PLEKHM3: variants seen among roughly 807,000 people sequenced by gnomAD.
The protein encoded by PLEKHM3 is pleckstrin homology domain-containing family M member 3.
Under a neutral mutation model 81.8 loss-of-function variants are expected in PLEKHM3, and 45 were observed. The observed-to-expected ratio is 0.55, with a 90% CI of 0.43 to 0.71. The LOEUF (loss-of-function observed/expected upper bound fraction) is 0.71, where lower values mean the gene tolerates loss of function less well. Among genes scored for constraint, PLEKHM3 ranks in the 30% least tolerant of loss-of-function variants. The pLI, the probability that PLEKHM3 is intolerant of heterozygous loss-of-function variation, is 0.00. For synonymous variants in PLEKHM3, 352 were observed against 356.4 expected, an observed-to-expected ratio of 0.99 and a Z score of 0.14; for missense variants, 788 against 924.3, an observed-to-expected ratio of 0.85 and a Z score of 1.91.
At chr2:207,928,103 T>C (rs1372649431) in intron 5 of PLEKHM3, among the ~76,000 whole-genome samples, 1 of 152,136 alleles carries the variant, frequency 6.6e-6, no homozygotes, top group East Asian at 1.9e-4. Flanking sequence ...TGCCTCAGGT[T>C]TGAGAGAAAT....
intron 6 of PLEKHM3, among the ~76,000 whole-genome samples, chr2:207,866,670 G>A: frequency 6.6e-6 from 1 of 152,064 alleles, no homozygotes; most frequent in East Asian, 1.9e-4. Flanking sequence ...TTTCCCCTAT[G>A]TAGAACATGC....
chr2:207,841,398 G>A (rs559272335), intron 7 of PLEKHM3, among the ~76,000 whole-genome samples: 9 of 133,910 alleles, frequency 6.7e-5, no homozygotes, highest in African/African-American at 2.3e-4. Flanking sequence ...CTGGGAGGCC[G>A]AGATCACGCC....
At chr2:207,920,224 A>G (rs1010375096) in intron 5 of PLEKHM3, among the ~76,000 whole-genome samples, 1 of 152,198 alleles carries the variant, frequency 6.6e-6, no homozygotes, top group Non-Finnish European at 1.5e-5. Flanking sequence ...TAAGTCAAGG[A>G]CTAAACCTGA....
rs2092253161 is a variant in PLEKHM3 at position 207,826,631 on chromosome 2, T to G, written c.*1688A>C. Reference sequence around the variant, plus strand: ...ATGCTTACATCTAACTGCACAAAAGTCAGTCTGAAATGTCACATCTCTAGA... The same window carrying G: ...ATGCTTACATCTAACTGCACAAAAGGCAGTCTGAAATGTCACATCTCTAGA... On this transcript the variant is annotated 3_prime_UTR_variant, in exon 8 of 8. Coordinates refer to ENST00000427836, the MANE Select transcript of PLEKHM3 (RefSeq NM_001080475.3). 1 of 152,134 alleles carries G rather than the reference T, an allele frequency of 6.6e-6. No homozygotes were observed. Among genetic ancestry groups the G allele is most frequent in the East Asian group, 1.9e-4 (1 of 5,202 alleles). 9.4% of individuals were successfully genotyped at this position (152,134 alleles called of 1,614,324 possible).
chr2:207,976,958 G>A lies in PLEKHM3; in HGVS notation c.1239C>T (p.Val413=), dbSNP rs373450124. 1 of 1,614,204 alleles carries A rather than the reference G, an allele frequency of 6.2e-7. No individual in the cohort carries two copies. Among genetic ancestry groups the A allele is most frequent in the East Asian group, 2.2e-5 (1 of 44,884 alleles). ...CGCAGCCATCCAGGTTGTCCATCTG[G>A]ACAGCCAGACACACGTCCACGTTGT... ...LSYNVDVCLA[V]QMDNLDGCDS... The change falls in exon 3 of 8, where the codon GTC becomes GTT. Residue 413 remains valine (V), a synonymous_variant. Transcript: ENST00000427836. The surrounding 1 kb of genome is among the most constrained non-coding windows in gnomAD (Gnocchi z 4.1).
At chr2:207,867,832 G>A (rs978655957) in intron 6 of PLEKHM3, among the ~76,000 whole-genome samples, 1 of 151,920 alleles carries the variant, frequency 6.6e-6, no homozygotes, top group Non-Finnish European at 1.5e-5. Context: ...TAGCCATCTC[G>A]GTAGGGGCTT....
In PLEKHM3 at chr2:207,930,736, C is replaced by A. The variant is rs13433077; in HGVS notation, c.1886+190G>T. On this transcript the variant is annotated intron_variant, in intron 5 of 7. Coordinates refer to ENST00000427836, the MANE Select transcript of PLEKHM3 (RefSeq NM_001080475.3). The stretch of plus-strand genomic sequence containing the variant: ...TTATTTTCATTTTGCTTGGCTTAAC[C>A]AAATGGGGACCTTGGAGTAAAAAAA... 5.9e-3 allele frequency among the ~76,000 whole-genome samples: 904 copies of A among 152,190 alleles called. 13 individuals are homozygous for A. The highest frequency in any genetic ancestry group is 0.02 in the African/African-American group (848 of 41,502).
chr2:207,901,164 CA>C, intron 6 of PLEKHM3: 1 of 678,626 alleles, frequency 1.5e-6, no homozygotes, highest in Non-Finnish European at 2.7e-6. Flanking sequence ...ACTCACAACA[CA>C]CAGTCATCTT....
chr2:207,960,848 T>C (rs559193470), intron 3 of PLEKHM3, among the ~76,000 whole-genome samples: 27 of 152,364 alleles, frequency 1.8e-4, no homozygotes, highest in Non-Finnish European at 3.4e-4. Context: ...CCATCCATTA[T>C]GAGGCCATAA....
At chr2:207,990,354 T>C (rs1367389280) in intron 2 of PLEKHM3, among the ~76,000 whole-genome samples, 1 of 152,186 alleles carries the variant, frequency 6.6e-6, no homozygotes, top group African/African-American at 2.4e-5. Context: ...CGCTGTGTTC[T>C]TTCCACCTTG....
rs1199307098 is a variant in PLEKHM3, at chr2:207,923,853, ACG to A, written c.1886+7071_1886+7072del. ...CATACATATACATACATACACACGC[ACG>A]CACACACACACACACACACACACAC... On this transcript the variant is annotated intron_variant, in intron 5 of 7. Coordinates refer to ENST00000427836, the MANE Select transcript of PLEKHM3 (RefSeq NM_001080475.3). 2.4e-3 allele frequency among the ~76,000 whole-genome samples: 114 copies of A among 47,970 alleles called. 1 individual carries two copies. The highest frequency in any genetic ancestry group is 7.1e-3 in the African/African-American group (111 of 15,616). The allele number at this position is 47,970 out of a possible 152,430, so 31.5% of individuals were successfully genotyped here. A position where few individuals can be genotyped will look rare whatever the true frequency, so the allele number is the denominator to read the frequency against.
intron 3 of PLEKHM3, among the ~76,000 whole-genome samples, chr2:207,969,901 G>A (rs902318902): frequency 3.3e-5 from 5 of 152,004 alleles, no homozygotes; most frequent in Non-Finnish European, 7.4e-5. Context: ...GTTGAGCAAG[G>A]AATTTAAGAT....
Position 207,822,451 on chromosome 2 carries a change from CCT to C in PLEKHM3, c.*5866_*5867del, listed in dbSNP as rs1330954155. 2.6e-5 allele frequency: 4 copies of C among 152,612 alleles called. No individual in the cohort carries two copies. Among genetic ancestry groups the C allele is most frequent in the Admixed American group, 6.6e-5 (1 of 15,266 alleles). The allele number at this position is 152,612 out of a possible 1,614,324, so 9.5% of individuals were successfully genotyped here. A position where few individuals can be genotyped will look rare whatever the true frequency, so the allele number is the denominator to read the frequency against. ...GGCCTTGGTGACATCATGACATTCC[CCT>C]GAGTTTGGTTAATGAAAGCAAACAA... On this transcript the variant is annotated 3_prime_UTR_variant, in exon 8 of 8. Transcript: ENST00000427836.
intron 3 of PLEKHM3, among the ~76,000 whole-genome samples, chr2:207,962,227 G>C (rs1690759440): frequency 6.6e-6 from 1 of 152,242 alleles, no homozygotes; most frequent in South Asian, 2.1e-4. Context: ...GGGGAAGGAG[G>C]CTGGATATTA....
chr2:207,827,941 G>C lies in PLEKHM3; in HGVS notation c.*378C>G, dbSNP rs1338184540. On this transcript the variant is annotated 3_prime_UTR_variant, in exon 8 of 8. Coordinates refer to ENST00000427836, the MANE Select transcript of PLEKHM3 (RefSeq NM_001080475.3). ...TAACCTAAAGCACTGTTTTGTGCAG[G>C]AAATGCTTCCTTTTGTGTCTTGGGT... The C allele has an allele frequency of 6.5e-6, 1 of 154,290 alleles. No homozygotes were observed. Among genetic ancestry groups the C allele is most frequent in the African/African-American group, 2.4e-5 (1 of 41,506 alleles). 9.6% of individuals were successfully genotyped at this position (154,290 alleles called of 1,614,324 possible).
chr2:207,866,259 G>A lies in PLEKHM3; in HGVS notation c.1951-4997C>T, dbSNP rs139455412. Among the ~76,000 whole-genome samples, 538 of 152,108 alleles carry A rather than the reference G, an allele frequency of 3.5e-3. 4 individuals are homozygous for A. Among genetic ancestry groups the A allele is most frequent in the African/African-American group, 0.012 (516 of 41,506 alleles). ...CAACCTCTGCCTCCCAGCTTCAAGC[G>A]ATTCTCCTGCCTCAGCCTCCCAAGT... On this transcript the variant is annotated intron_variant, in intron 6 of 7. Transcript: ENST00000427836.
At chr2:208,018,092 C>T (rs539079737) in intron 1 of PLEKHM3, among the ~76,000 whole-genome samples, 132 of 152,100 alleles carry the variant, frequency 8.7e-4, no homozygotes, top group African/African-American at 2.9e-3. Flanking sequence ...TATTACTCTC[C>T]GGCTGGGCGC....
intron 6 of PLEKHM3, among the ~76,000 whole-genome samples, chr2:207,872,329 T>C (rs1444136767): frequency 1.3e-5 from 2 of 152,210 alleles, no homozygotes; most frequent in Non-Finnish European, 2.9e-5. Flanking sequence ...ATCCACAGTT[T>C]TGATCTGAAC....
chr2:207,888,095 T>C (rs940618627), intron 6 of PLEKHM3, among the ~76,000 whole-genome samples: 1 of 152,044 alleles, frequency 6.6e-6, no homozygotes, highest in Non-Finnish European at 1.5e-5. Context: ...CCCTTTCCTC[T>C]CCACCCAGTT....
Sources: gnomAD v4.1 joint callset for allele counts (sites outside exome capture counted in the v4.1 genomes callset) on GRCh38, gnomAD v4.1.1 for gene constraint, Gnocchi (gnomAD v3.1) non-coding constraint, MANE v1.5 for transcripts, NCBI Gene and HGNC (gene_info 2026-07-23, HGNC 2026-07-21) for gene names.